Variants in PTCH2 observed in about 807,000 individuals in gnomAD.
The protein encoded by PTCH2 is protein patched homolog 2.
In PTCH2, 96 loss-of-function variants were observed where a neutral mutation model predicts 117.9. The ratio of observed to expected loss-of-function variants is 0.81; its 90% confidence interval spans 0.69 to 0.96. The LOEUF is 0.96. Ranked by LOEUF, PTCH2 falls within the 50% of genes least tolerant of loss-of-function variation. The pLI is 0.00. For synonymous variants in PTCH2, 615 were observed against 660.9 expected (o/e 0.93, Z 1.06); for missense variants, 1,379 against 1,562.5 (o/e 0.88, Z 1.98).
chr1:44,820,759 AC>A (rs1462368450), downstream of PTCH2: 8 of 717,000 alleles, frequency 1.1e-5, no homozygotes, highest in Admixed American at 2.0e-5. Context: ...GCCCAGGGTT[AC>A]TCCGCTGGTA....
chr1:44,838,355 C>A (rs540104964), intron 2 of PTCH2, among the ~76,000 whole-genome samples: 1 of 152,278 alleles, frequency 6.6e-6, no homozygotes, highest in South Asian at 2.1e-4. Flanking sequence ...GATTCTCCTG[C>A]CACAGCCTCC....
rs371087010 is a variant in PTCH2, at chr1:44,829,045, G to A, written c.1401C>T (p.Gly467=). 69 of 1,601,844 alleles carry A rather than the reference G, an allele frequency of 4.3e-5. 1 individual carries two copies. Among genetic ancestry groups the A allele is most frequent in the Non-Finnish European group, 5.5e-5 (65 of 1,174,144 alleles). The change falls in exon 11 of 22, where the codon GGC becomes GGT. Residue 467 remains glycine, a synonymous_variant. Transcript: ENST00000372192. ...QVLPFLALGI[G]VDDVFLLAHA... ...GCGCCAGCAGGAATACGTCATCCAC[G>A]CCGATTCCCAGAGCCAAGAAGGGCA...
intron 2 of PTCH2, among the ~76,000 whole-genome samples, chr1:44,837,358 G>A (rs1251423306): frequency 1.3e-5 from 2 of 152,100 alleles, no homozygotes; most frequent in Non-Finnish European, 2.9e-5. Context: ...GGGTTCAAGT[G>A]ATCTCCTGCC....
intron 6 of PTCH2, among the ~76,000 whole-genome samples, chr1:44,830,332 T>TGA (rs1329883857): frequency 6.6e-6 from 1 of 152,158 alleles, no homozygotes; most frequent in Non-Finnish European, 1.5e-5. Flanking sequence ...AGGTATGATA[T>TGA]TCATGCTTAC....
At chr1:44,836,837 A>G (rs1002875986) in intron 2 of PTCH2, among the ~76,000 whole-genome samples, 1 of 152,214 alleles carries the variant, frequency 6.6e-6, no homozygotes, top group Non-Finnish European at 1.5e-5. Context: ...CTGTAGTCCC[A>G]GATACTACAG....
At chr1:44,820,409 C>T, downstream of PTCH2, 1 of 647,084 alleles carries the variant, frequency 1.5e-6, no homozygotes, top group Non-Finnish European at 2.9e-6. Context: ...CCGCAGTAAG[C>T]CTCCGGGCTT....
intron 19 of PTCH2, among the ~76,000 whole-genome samples, chr1:44,825,616 T>C (rs1653108045): frequency 2.0e-5 from 3 of 152,118 alleles, no homozygotes; most frequent in Admixed American, 2.0e-4. Context: ...AACCTCCGCC[T>C]CCTGGGTTCA....
intron 6 of PTCH2, 64 bp from the exon 7 acceptor site, chr1:44,830,094 G>A: frequency 6.3e-7 from 1 of 1,597,530 alleles, no homozygotes; most frequent in Non-Finnish European, 8.6e-7. Flanking sequence ...GTGTCCCTGG[G>A]CTTCCACCTC....
At chr1:44,840,243 C>CA (rs1653885843) in intron 2 of PTCH2, among the ~76,000 whole-genome samples, 1 of 151,638 alleles carries the variant, frequency 6.6e-6, no homozygotes, top group Non-Finnish European at 1.5e-5. Context: ...GCTGGGACTA[C>CA]AGGCGCCCGC....
At chr1:44,821,017 T>C (rs1045059562), downstream of PTCH2, among the ~76,000 whole-genome samples, 4 of 152,196 alleles carry the variant, frequency 2.6e-5, no homozygotes, top group Non-Finnish European at 2.9e-5. Context: ...GTTTTTGTTG[T>C]TGTATCTTTT....
At position 44,831,637 on chromosome 1, in the gene PTCH2, C is replaced by T. The variant is rs900595644; in HGVS notation, c.617+69G>A. On this transcript the variant is annotated intron_variant, in intron 5 of 21. Transcript: ENST00000372192. This position sits in a 1 kb window ranked among gnomAD's most constrained non-coding sequence, Gnocchi z 4.3. The stretch of plus-strand genomic sequence containing the variant: ...TAAGGTTTTGATCATCCTCATTCCC[C>T]AGACCCCTCCTTTCTGCTGGGAGAG... The T allele has an allele frequency of 1.5e-5, 21 of 1,435,026 alleles. No homozygotes were observed. Among genetic ancestry groups the T allele is most frequent in the Non-Finnish European group, 1.8e-5 (19 of 1,041,504 alleles). 88.9% of individuals were successfully genotyped at this position (1,435,026 alleles called of 1,614,324 possible).
intron 2 of PTCH2, among the ~76,000 whole-genome samples, chr1:44,838,469 G>A (rs1653783834): frequency 6.6e-6 from 1 of 152,158 alleles, no homozygotes; most frequent in African/African-American, 2.4e-5. Flanking sequence ...TCAAACTCTT[G>A]ACCTCAAGTG....
Position 44,826,590 on chromosome 1 carries a change from C to T in PTCH2, c.2874G>A (p.Leu958=). 6.2e-7 allele frequency: 1 copy of T among 1,613,398 alleles called. No homozygotes were observed. Among genetic ancestry groups the T allele is most frequent in the Non-Finnish European group, 8.5e-7 (1 of 1,180,020 alleles). The change falls in exon 18 of 22, where the codon CTG becomes CTA. Residue 958 remains leucine, a synonymous_variant. Transcript: ENST00000372192. This position sits in a 1 kb window ranked among gnomAD's most constrained non-coding sequence, Gnocchi z 5.1. ...CCAGCAGGAAGCAGCGCCGCAGGCC[C>T]AGATACTGTTCCCAGAAGAGGAAGG... ...GSPFLFWEQY[L]GLRRCFLLAV...
Position 44,831,610 on chromosome 1 carries a change from G to T in PTCH2, c.617+96C>A. The T allele has an allele frequency of 8.0e-7, 1 of 1,253,268 alleles. No individual in the cohort carries two copies. The highest frequency in any genetic ancestry group is 1.1e-6 in the Non-Finnish European group (1 of 877,678). 77.6% of individuals were successfully genotyped at this position (1,253,268 alleles called of 1,614,324 possible). On this transcript the variant is annotated intron_variant, in intron 5 of 21. Coordinates refer to ENST00000372192, the MANE Select transcript of PTCH2 (RefSeq NM_003738.5). This position sits in a 1 kb window ranked among gnomAD's most constrained non-coding sequence, Gnocchi z 4.3. ...TGGCCTGGGAGGTAATTAGGACCTT[G>T]GTAAGGTTTTGATCATCCTCATTCC...
Position 44,831,059 on chromosome 1 carries a change from A to T in PTCH2, c.618-16T>A. On this transcript the variant is annotated splice_polypyrimidine_tract_variant and intron_variant, in intron 5 of 21. Transcript: ENST00000372192. This position sits in a 1 kb window ranked among gnomAD's most constrained non-coding sequence, Gnocchi z 4.3. ...CGGGCGGCCGCTGAGGGAAAAGCCTATAGTTGGTGAGGGTCAGGGACGAAA... is the reference window on the plus strand; with the variant it reads ...CGGGCGGCCGCTGAGGGAAAAGCCTTTAGTTGGTGAGGGTCAGGGACGAAA... The T allele has an allele frequency of 6.2e-7, 1 of 1,608,394 alleles. No homozygotes were observed. Among genetic ancestry groups the T allele is most frequent in the South Asian group, 1.1e-5 (1 of 90,720 alleles).
At chr1:44,842,684 G>A (rs1397262886) in intron 1 of PTCH2, among the ~76,000 whole-genome samples, 177 bp downstream of exon 1, 2 of 152,226 alleles carry the variant, frequency 1.3e-5, no homozygotes, top group Non-Finnish European at 2.9e-5. Flanking sequence ...CAGACGATGA[G>A]GAGACACCGG....
At chr1:44,828,891 G>T in intron 11 of PTCH2, 91 bp downstream of exon 11, 1 of 1,398,696 alleles carries the variant, frequency 7.1e-7, no homozygotes. Flanking sequence ...AGGCACCGAG[G>T]TTCATTAGCA....
rs1652939853 is a variant in PTCH2, at chr1:44,822,260, A to G, written c.*155T>C. ...ATGTGCAAATCGGTGGCTGTTCTGT[A>G]TGGATATCAGGGAGGCCCATGACAG... is the stretch of plus-strand genomic sequence containing the variant. On this transcript the variant is annotated 3_prime_UTR_variant, in exon 22 of 22. Transcript: ENST00000372192. The G allele has an allele frequency of 3.9e-6, 6 of 1,554,314 alleles. No individual in the cohort carries two copies. The African/African-American group carries it at 4.1e-5, about 10-fold the overall frequency.
In PTCH2 at chr1:44,829,543, CAG is replaced by C. The variant is rs1346236079; in HGVS notation, c.1084-12_1084-11del. On this transcript the variant is annotated splice_polypyrimidine_tract_variant and intron_variant, in intron 8 of 21. Transcript: ENST00000372192. ...GGGCCTCCTGGGCCAGCTGGAGAAA[CAG>C]GGTGGATAGGAGGGGGCAGGAGGAG... is the stretch of plus-strand genomic sequence containing the variant. 1 of 1,614,130 alleles carries C rather than the reference CAG, an allele frequency of 6.2e-7. No homozygotes were observed. Among genetic ancestry groups the C allele is most frequent in the Non-Finnish European group, 8.5e-7 (1 of 1,179,994 alleles).
Sources: gnomAD v4.1 joint callset for allele counts (sites outside exome capture counted in the v4.1 genomes callset) on GRCh38, gnomAD v4.1.1 for gene constraint, Gnocchi (gnomAD v3.1) non-coding constraint, MANE v1.5 for transcripts, NCBI Gene and HGNC (gene_info 2026-07-23, HGNC 2026-07-21) for gene names.